Variants in ADAMTS20 observed in about 807,000 individuals in gnomAD.
ADAMTS20 encodes A disintegrin and metalloproteinase with thrombospondin motifs 20.
A neutral mutation model predicts 260.1 loss-of-function variants in ADAMTS20; 225 were observed. The observed-to-expected ratio is 0.87, with a 90% CI of 0.78 to 0.97. ADAMTS20 has a LOEUF of 0.97. ADAMTS20 is among the 50% of genes least tolerant of loss of function. The pLI, the probability that ADAMTS20 is intolerant of heterozygous loss-of-function variation, is 0.00. For synonymous variants in ADAMTS20, 802 were observed against 769.5 expected (o/e 1.04, Z -0.70); for missense variants, 2,400 against 2,337.7 (o/e 1.03, Z -0.55).
intron 3 of ADAMTS20, among the ~76,000 whole-genome samples, chr12:43,530,876 T>A (rs1428072628): frequency 1.3e-5 from 2 of 151,994 alleles, no homozygotes; most frequent in Non-Finnish European, 2.9e-5. Context: ...GTCTAAATTT[T>A]ATAGAAAAAA....
intron 28 of ADAMTS20, among the ~76,000 whole-genome samples, chr12:43,407,171 T>C (rs1366150329): frequency 6.6e-6 from 1 of 152,068 alleles, no homozygotes; most frequent in African/African-American, 2.4e-5. Flanking sequence ...TTCAATTGCA[T>C]TGCATCTAAT....
Position 43,493,177 on chromosome 12 carries a change from C to T in ADAMTS20, c.944G>A (p.Arg315His), listed in dbSNP as rs193268427. ...IVVVKLVMIH[R>H]EEEGPVINFD... is the part of the protein sequence containing the mutation. Reference sequence around the variant, plus strand: ...TTTAGACCTGTTTCTTACCTCCTCACGGTGAATCATAACTAATTTTACCAC... The same window carrying T: ...TTTAGACCTGTTTCTTACCTCCTCATGGTGAATCATAACTAATTTTACCAC... Residue 315 changes from arginine to histidine, a missense_variant, in exon 5 of 39, where the codon CGT (arginine) becomes CAT (histidine). Coordinates refer to ENST00000389420, the MANE Select transcript of ADAMTS20 (RefSeq NM_025003.5). 45 of 1,558,624 alleles carry T rather than the reference C, an allele frequency of 2.9e-5. No homozygotes were observed. In the South Asian group the frequency reaches 3.4e-4, roughly 12 times the overall value.
chr12:43,421,813 A>G (rs1011977367), intron 28 of ADAMTS20, among the ~76,000 whole-genome samples: 1 of 152,090 alleles, frequency 6.6e-6, no homozygotes, highest in African/African-American at 2.4e-5. Flanking sequence ...TATGTAAAAA[A>G]TACAGTAGCT....
chr12:43,469,167 A>G (rs1430202014), intron 7 of ADAMTS20, among the ~76,000 whole-genome samples: 2 of 152,112 alleles, frequency 1.3e-5, no homozygotes, highest in African/African-American at 2.4e-5. Flanking sequence ...CAAATATTCA[A>G]TTATCACATG....
intron 2 of ADAMTS20, among the ~76,000 whole-genome samples, chr12:43,543,323 A>G (rs1943401382): frequency 6.6e-6 from 1 of 152,138 alleles, no homozygotes; most frequent in African/African-American, 2.4e-5. Flanking sequence ...GAAAAAAAAG[A>G]AAGAAAAGTA....
chr12:43,411,793 G>T (rs1256707868), intron 28 of ADAMTS20, among the ~76,000 whole-genome samples: 3 of 152,146 alleles, frequency 2.0e-5, no homozygotes, highest in Non-Finnish European at 4.4e-5. Flanking sequence ...TCCTCAATCT[G>T]TAAGAAACTG....
chr12:43,393,244 T>TGTTATAG (rs1565678230), intron 29 of ADAMTS20, among the ~76,000 whole-genome samples: 1 of 152,078 alleles, frequency 6.6e-6, no homozygotes, highest in Non-Finnish European at 1.5e-5. Flanking sequence ...GTTATAGAAC[T>TGTTATAG]AATATAAGCA....
At chr12:43,443,232 C>A (rs73286749) in intron 16 of ADAMTS20, among the ~76,000 whole-genome samples, 2 of 152,014 alleles carry the variant, frequency 1.3e-5, no homozygotes, top group East Asian at 3.8e-4. Context: ...ATTCTTTAAG[C>A]CTGAAAGCTA....
At chr12:43,536,756 T>A (rs965295428) in intron 2 of ADAMTS20, among the ~76,000 whole-genome samples, 5 of 152,214 alleles carry the variant, frequency 3.3e-5, no homozygotes, top group Non-Finnish European at 7.3e-5. Flanking sequence ...GAGTAGCAGA[T>A]GACATCAGAC....
Position 43,431,359 on chromosome 12 carries a change from A to G in ADAMTS20, c.3234T>C (p.Ala1078=), listed in dbSNP as rs1188231855. 1 of 1,613,934 alleles carries G rather than the reference A, an allele frequency of 6.2e-7. No homozygotes were observed. ...GACCCCATGGTCCTACTTGCCAGGA[A>G]GCACATGTATGAAGTTCACATGGAC... ...SLSPCELHTC[A]SWQVGPWGPC... The change falls in exon 22 of 39, where the codon GCT becomes GCC. Residue 1078 remains alanine, a synonymous_variant. Transcript: ENST00000389420.
chr12:43,526,260 C>T (rs1943141024), intron 3 of ADAMTS20, among the ~76,000 whole-genome samples: 1 of 152,136 alleles, frequency 6.6e-6, no homozygotes, highest in African/African-American at 2.4e-5. Context: ...TGGAGACCAT[C>T]CTGGCTAACA....
At chr12:43,471,124 T>G (rs2137392918) in intron 7 of ADAMTS20, among the ~76,000 whole-genome samples, 1 of 152,164 alleles carries the variant, frequency 6.6e-6, no homozygotes, top group East Asian at 2.0e-4. Flanking sequence ...GGCCAGTGGG[T>G]GCACGCACCG....
intron 3 of ADAMTS20, among the ~76,000 whole-genome samples, chr12:43,527,365 C>A (rs916418811): frequency 6.6e-6 from 1 of 151,926 alleles, no homozygotes; most frequent in African/African-American, 2.4e-5. Flanking sequence ...ACTCTGATAC[C>A]AAAACCAGGA....
rs1474161199 is a variant in ADAMTS20, at chr12:43,425,592, G to C, written c.4206C>G (p.Asn1402Lys). ...GACACTGTATTACGCTAGGTGGCTT[G>C]TTTACAATTTCACAGTTGTGATCTT... is the stretch of plus-strand genomic sequence containing the variant. ...ILEDHNCEIV[N>K]KPPSVIQCHM... The change falls in exon 28 of 39, where the codon AAC (asparagine) becomes AAG (lysine). Residue 1402 changes from asparagine (N) to lysine (K), a missense_variant. Asn to Lys is a moderately conservative substitution (Grantham distance 94). Transcript: ENST00000389420. The C allele has an allele frequency of 6.2e-7, 1 of 1,610,272 alleles. No individual in the cohort carries two copies. The highest frequency in any genetic ancestry group is 1.7e-5 in the Admixed American group (1 of 59,696).
intron 28 of ADAMTS20, among the ~76,000 whole-genome samples, chr12:43,424,913 A>G (rs1317602539): frequency 6.6e-6 from 1 of 152,122 alleles, no homozygotes; most frequent in Non-Finnish European, 1.5e-5. Context: ...AACACAAACC[A>G]AGAGGGCCAA....
At chr12:43,410,949 C>T (rs1211224916) in intron 28 of ADAMTS20, among the ~76,000 whole-genome samples, 1 of 151,962 alleles carries the variant, frequency 6.6e-6, no homozygotes, top group Non-Finnish European at 1.5e-5. Flanking sequence ...TGAAAATTGT[C>T]TTCAAAGAAT....
intron 3 of ADAMTS20, among the ~76,000 whole-genome samples, chr12:43,526,394 C>G (rs1351266307): frequency 1.3e-5 from 2 of 151,978 alleles, no homozygotes; most frequent in Non-Finnish European, 2.9e-5. Flanking sequence ...GAAGGCGGAG[C>G]TTGTGGTGAG....
intron 37 of ADAMTS20, among the ~76,000 whole-genome samples, chr12:43,358,596 T>C (rs979897873): frequency 4.6e-5 from 7 of 151,940 alleles, no homozygotes; most frequent in African/African-American, 1.7e-4. Flanking sequence ...CCCAGCACTT[T>C]GGGAGGCCGA....
chr12:43,450,183 A>AT (rs777558082), intron 14 of ADAMTS20, among the ~76,000 whole-genome samples: 1 of 118,316 alleles, frequency 8.5e-6, no homozygotes, highest in Non-Finnish European at 1.9e-5. Flanking sequence ...TTAAAAATGA[A>AT]TGAATAAATG....
Sources: allele counts gnomAD v4.1 joint callset (sites outside exome capture counted in the v4.1 genomes callset), GRCh38; gene constraint gnomAD v4.1.1; transcripts MANE v1.5; gene names NCBI Gene and HGNC (gene_info 2026-07-23, HGNC 2026-07-21).